ADGRG6: variants seen among roughly 807,000 people sequenced by gnomAD.
The protein encoded by ADGRG6 is G-protein coupled receptor 126.
In ADGRG6, 84 loss-of-function variants were observed where a neutral mutation model predicts 142.4. The ratio of observed to expected loss-of-function variants is 0.59; its 90% confidence interval spans 0.49 to 0.71. The LOEUF is 0.71. Ranked by LOEUF, ADGRG6 falls within the 30% of genes least tolerant of loss-of-function variation. The pLI, the probability that ADGRG6 is intolerant of heterozygous loss-of-function variation, is 0.00. For synonymous variants in ADGRG6, 521 were observed against 520.5 expected (o/e 1.00, Z -0.01); for missense variants, 1,367 against 1,466.6 (o/e 0.93, Z 1.11).
At chr6:142,420,866 C>A (rs901487654) in intron 22 of ADGRG6, among the ~76,000 whole-genome samples, 2 of 151,824 alleles carry the variant, frequency 1.3e-5, no homozygotes. Context: ...TTGAATATAC[C>A]CTGTACTGTT....
intron 22 of ADGRG6, among the ~76,000 whole-genome samples, chr6:142,428,406 G>A (rs1470130430): frequency 6.6e-6 from 1 of 152,014 alleles, no homozygotes; most frequent in Non-Finnish European, 1.5e-5. Context: ...ATCATGAATT[G>A]AATCAAGGCT....
At chr6:142,355,196 G>C in intron 2 of ADGRG6, among the ~76,000 whole-genome samples, 1 of 151,860 alleles carries the variant, frequency 6.6e-6, no homozygotes. Context: ...ATTCTAAATT[G>C]GCATTTTTTT....
intron 4 of ADGRG6, among the ~76,000 whole-genome samples, chr6:142,380,499 C>CAGCT (rs1375372270): frequency 1.3e-5 from 2 of 152,166 alleles, no homozygotes; most frequent in African/African-American, 4.8e-5. Context: ...AGCCTTACAG[C>CAGCT]AGCTATCCAT....
chr6:142,340,283 A>T (rs1779548648), intron 2 of ADGRG6, among the ~76,000 whole-genome samples: 1 of 152,156 alleles, frequency 6.6e-6, no homozygotes. Context: ...ATGTCCATTT[A>T]TAGCAATTTT....
At chr6:142,409,807 C>A in intron 16 of ADGRG6, 67 bp from the exon 17 acceptor site, 1 of 696,740 alleles carries the variant, frequency 1.4e-6, no homozygotes, top group South Asian at 2.0e-5. Context: ...TGTTTTTATT[C>A]TTTTGCCATA....
intron 2 of ADGRG6, among the ~76,000 whole-genome samples, chr6:142,336,781 C>T (rs896869568): frequency 6.6e-6 from 1 of 152,162 alleles, no homozygotes; most frequent in Non-Finnish European, 1.5e-5. Context: ...TGCAGATGAG[C>T]AAACTGAGTT....
At chr6:142,392,823 C>T (rs1430632827) in intron 7 of ADGRG6, 125 bp from the exon 8 acceptor site, 1 of 655,838 alleles carries the variant, frequency 1.5e-6, no homozygotes, top group Non-Finnish European at 2.8e-6. Context: ...CTGTTCACTC[C>T]TCCAACTCTT....
intron 2 of ADGRG6, among the ~76,000 whole-genome samples, chr6:142,358,634 C>T (rs939941943): frequency 2.0e-5 from 3 of 152,120 alleles, no homozygotes; most frequent in Admixed American, 6.6e-5. Flanking sequence ...TGGCTGGGCC[C>T]GGTGGCTCAC....
intron 14 of ADGRG6, among the ~76,000 whole-genome samples, chr6:142,404,621 G>T (rs1583102361): frequency 6.6e-6 from 1 of 152,036 alleles, no homozygotes; most frequent in African/African-American, 2.4e-5. Flanking sequence ...TCCAGCCTGG[G>T]CGACAGAGCA....
intron 2 of ADGRG6, among the ~76,000 whole-genome samples, chr6:142,329,947 C>G (rs961426072): frequency 1.3e-5 from 2 of 152,182 alleles, no homozygotes; most frequent in African/African-American, 2.4e-5. Context: ...TCACTCTCCA[C>G]TGCAGCCCAT....
chr6:142,441,709 C>T lies in ADGRG6; in HGVS notation c.3575-1628C>T, dbSNP rs145601176. Among the ~76,000 whole-genome samples, 627 of 152,254 alleles carry T rather than the reference C, an allele frequency of 4.1e-3. 9 individuals are homozygous for T. Among genetic ancestry groups the T allele is most frequent in the African/African-American group, 0.014 (583 of 41,562 alleles). Reference sequence around the variant, plus strand: ...TGTGGTTTTCTAAAAACACCAAGCACTAATTATTCATTATTAATATATAAG... The same window carrying T: ...TGTGGTTTTCTAAAAACACCAAGCATTAATTATTCATTATTAATATATAAG... On this transcript the variant is annotated intron_variant, in intron 24 of 24. Transcript: ENST00000367609.
intron 2 of ADGRG6, among the ~76,000 whole-genome samples, chr6:142,320,195 G>A (rs1221553286): frequency 6.6e-6 from 1 of 151,722 alleles, no homozygotes. Flanking sequence ...CTTTACACAT[G>A]GTACCTAAAA....
At chr6:142,339,890 T>G (rs1313374037) in intron 2 of ADGRG6, among the ~76,000 whole-genome samples, 2 of 152,174 alleles carry the variant, frequency 1.3e-5, no homozygotes, top group Non-Finnish European at 2.9e-5. Flanking sequence ...TTTAACATAA[T>G]AGGATAAGTA....
At chr6:142,391,163 T>C (rs772512127) in intron 7 of ADGRG6, among the ~76,000 whole-genome samples, 4 of 151,734 alleles carry the variant, frequency 2.6e-5, no homozygotes, top group Non-Finnish European at 5.9e-5. Flanking sequence ...ATACAACACA[T>C]GGATTTTTTC....
At chr6:142,426,227 A>G (rs141466593) in intron 22 of ADGRG6, among the ~76,000 whole-genome samples, 12,509 of 152,262 alleles carry the variant, frequency 0.082, 624 homozygotes, top group East Asian at 0.25. Context: ...TCCACCTGTG[A>G]GCCTGTAAAA....
At chr6:142,327,329 T>A (rs1030619230) in intron 2 of ADGRG6, among the ~76,000 whole-genome samples, 1 of 151,978 alleles carries the variant, frequency 6.6e-6, no homozygotes, top group Non-Finnish European at 1.5e-5. Context: ...CAACTTTCTG[T>A]GTAAACTGGA....
chr6:142,403,020 A>T (rs532758880), intron 13 of ADGRG6, among the ~76,000 whole-genome samples, 190 bp downstream of exon 13: 2 of 151,244 alleles, frequency 1.3e-5, no homozygotes, highest in African/African-American at 4.9e-5. Context: ...TTTTTTTTTG[A>T]GAAATACAAT....
At chr6:142,390,029 G>GACT (rs1243935253) in intron 6 of ADGRG6, among the ~76,000 whole-genome samples, 1 of 151,762 alleles carries the variant, frequency 6.6e-6, no homozygotes, top group African/African-American at 2.4e-5. Flanking sequence ...TAAGCTAATT[G>GACT]ATAACTATTT....
intron 2 of ADGRG6, among the ~76,000 whole-genome samples, chr6:142,326,020 A>G (rs559452983): frequency 2.0e-5 from 3 of 152,214 alleles, no homozygotes; most frequent in African/African-American, 4.8e-5. Flanking sequence ...CAAAATGACT[A>G]TAATTATAAT....
Sources: gnomAD v4.1 joint callset for allele counts (sites outside exome capture counted in the v4.1 genomes callset) on GRCh38, gnomAD v4.1.1 for gene constraint, MANE v1.5 for transcripts, NCBI Gene and HGNC (gene_info 2026-07-23, HGNC 2026-07-21) for gene names.